FAAH2: variants seen among roughly 807,000 people sequenced by gnomAD.
FAAH2 encodes fatty acid amide hydrolase 2.
A neutral mutation model predicts 36.9 loss-of-function variants in FAAH2; 60 were observed. The observed-to-expected ratio is 1.63, with a 90% CI of 1.32 to 2.02. The LOEUF is 2.02. Ranked by LOEUF, FAAH2 falls within the 30% of genes most tolerant of loss-of-function variation. The probability of loss-of-function intolerance (pLI) is 0.00; values close to 1 mark genes in which losing one functional copy is unlikely to be tolerated. For missense variants in FAAH2, 689 were observed against 397.5 expected, an observed-to-expected ratio of 1.73 and a Z score of -6.23; for synonymous variants, 214 against 143.8, an observed-to-expected ratio of 1.49 and a Z score of -3.49.
chrX:57,394,610 G>T (rs1195898526), intron 7 of FAAH2: 1 of 1,136,919 alleles, frequency 8.8e-7, no homozygotes, highest in Non-Finnish European at 1.2e-6. Flanking sequence ...CATTGCAACC[G>T]TCATGAGCCC....
At chrX:57,208,562 C>A in the FAAH2 span, among the ~76,000 whole-genome samples, 1 of 111,530 alleles carries the variant, frequency 9.0e-6, no homozygotes, top group South Asian at 3.8e-4. Flanking sequence ...CCAGCTCAGT[C>A]GTGGAGACCC....
rs1202166787 is a variant in FAAH2 at position 57,487,037 on chromosome X, T to TTTTC, written c.1424-1720_1424-1719insTTTC. 2.7e-5 allele frequency among the ~76,000 whole-genome samples: 3 copies of TTTTC among 111,701 alleles called. No individual in the cohort carries two copies. In the Admixed American group the frequency reaches 2.9e-4, roughly 11 times the overall value. On this transcript the variant is annotated intron_variant, in intron 10 of 10. Transcript: ENST00000374900. ...TCAAGACAGTTCAATGAAGAATTAATAGTCTTTTCATCAAATGGTTCTAGG... is the reference window on the plus strand; with the variant it reads ...TCAAGACAGTTCAATGAAGAATTAATTTTCAGTCTTTTCATCAAATGGTTCTAGG...
chrX:57,205,643 G>A, the FAAH2 span, among the ~76,000 whole-genome samples: 1 of 112,044 alleles, frequency 8.9e-6, no homozygotes, highest in Non-Finnish European at 1.9e-5. Context: ...TACCTTTTGA[G>A]CCAGAATAAG....
At chrX:57,454,797 T>G (rs991650974) in intron 10 of FAAH2, among the ~76,000 whole-genome samples, 2 of 111,592 alleles carry the variant, frequency 1.8e-5, no homozygotes, top group African/African-American at 6.5e-5. Context: ...TTGAGAAATA[T>G]GGGATTATGT....
chrX:57,477,686 G>T (rs2057298294), intron 10 of FAAH2, among the ~76,000 whole-genome samples: 2 of 95,747 alleles, frequency 2.1e-5, no homozygotes, highest in South Asian at 1.1e-3. Context: ...TTCCCTTCCT[G>T]TGCCCAAGTG....
chrX:57,331,540 A>G, intron 3 of FAAH2, 58 bp from the exon 4 acceptor site: 2 of 1,063,660 alleles, frequency 1.9e-6, no homozygotes, highest in South Asian at 2.1e-5. Context: ...GCCCCTCAGG[A>G]GAAAACAACT....
At chrX:57,209,073 G>A in the FAAH2 span, among the ~76,000 whole-genome samples, 141 of 112,080 alleles carry the variant, frequency 1.3e-3, 3 homozygotes, top group Non-Finnish European at 2.3e-3. Context: ...TCCTTTAAGG[G>A]AAGTTGGCTC....
intron 7 of FAAH2, among the ~76,000 whole-genome samples, chrX:57,420,746 T>C (rs998906879): frequency 1.9e-5 from 2 of 108,083 alleles, no homozygotes; most frequent in Non-Finnish European, 3.8e-5. Context: ...GGCCAGAACT[T>C]CCAACACTAT....
chrX:57,468,042 C>T (rs1427463322), intron 10 of FAAH2, among the ~76,000 whole-genome samples: 4 of 112,059 alleles, frequency 3.6e-5, no homozygotes, highest in Non-Finnish European at 7.5e-5. Context: ...ATGGTCTACG[C>T]TGTTAGAAGG....
rs745644769 is a variant in FAAH2, at chrX:57,378,883, C to A, written c.878+97C>A. On this transcript the variant is annotated intron_variant, in intron 6 of 10. Coordinates refer to ENST00000374900, the MANE Select transcript of FAAH2 (RefSeq NM_174912.4). ...TAGAGGTAGACTTTCAGTCCTCAAGCAAATAATTTTTACAGGTTTTTATGA... is the reference window on the plus strand; with the variant it reads ...TAGAGGTAGACTTTCAGTCCTCAAGAAAATAATTTTTACAGGTTTTTATGA... The A allele has an allele frequency of 6.8e-6, 7 of 1,023,126 alleles. No individual in the cohort carries two copies. In the East Asian group the frequency reaches 2.4e-4, roughly 35 times the overall value. 84.3% of individuals were successfully genotyped at this position (1,023,126 alleles called of 1,213,427 possible).
intron 3 of FAAH2, among the ~76,000 whole-genome samples, chrX:57,315,941 A>G (rs1346418024): frequency 9.0e-6 from 1 of 111,703 alleles, no homozygotes; most frequent in Non-Finnish European, 1.9e-5. Flanking sequence ...AAAGGCATCC[A>G]AATAGGAAAA....
At chrX:57,339,080 A>T (rs2053625871) in intron 4 of FAAH2, among the ~76,000 whole-genome samples, 1 of 111,442 alleles carries the variant, frequency 9.0e-6, no homozygotes, top group African/African-American at 3.3e-5. Flanking sequence ...AGACCAATGG[A>T]GTAGAATAGA....
chrX:57,124,349 T>C, the FAAH2 span, among the ~76,000 whole-genome samples: 1 of 111,738 alleles, frequency 8.9e-6, no homozygotes, highest in East Asian at 2.8e-4. Context: ...CTCTGTTCTG[T>C]TCCATTGGTC....
At chrX:57,483,023 TTC>T (rs2057408328) in intron 10 of FAAH2, among the ~76,000 whole-genome samples, 2 of 110,846 alleles carry the variant, frequency 1.8e-5, no homozygotes, top group African/African-American at 6.6e-5. Flanking sequence ...CTCACAGGTG[TTC>T]TCTGAGTTTC....
the FAAH2 span, among the ~76,000 whole-genome samples, chrX:57,203,599 C>T: frequency 1.8e-5 from 2 of 111,818 alleles, no homozygotes; most frequent in African/African-American, 6.5e-5. Context: ...TCGCAGGAGT[C>T]GGGATCCACA....
At chrX:57,149,147 G>T in the FAAH2 span, among the ~76,000 whole-genome samples, 4 of 111,735 alleles carry the variant, frequency 3.6e-5, no homozygotes, top group Admixed American at 2.9e-4. Context: ...TGTGCTGCTG[G>T]ATTCGTTTTG....
rs902575485 is a variant in FAAH2, at chrX:57,286,754, G to A, written c.-72G>A. ...AGCTTCATAAGTCCCTCTTTGCTTA[G>A]TACTTTTCTCGTCCTTTCCCCAGGG... is the stretch of plus-strand genomic sequence containing the variant. On this transcript the variant is annotated 5_prime_UTR_variant, in exon 1 of 11. Transcript: ENST00000374900. 45 of 976,793 alleles carry A rather than the reference G, an allele frequency of 4.6e-5. No homozygotes were observed. Among genetic ancestry groups the A allele is most frequent in the Non-Finnish European group, 5.8e-5 (44 of 754,545 alleles). 80.5% of individuals were successfully genotyped at this position (976,793 alleles called of 1,213,427 possible).
chrX:57,349,015 C>A (rs1373068635), intron 5 of FAAH2, among the ~76,000 whole-genome samples: 1 of 99,552 alleles, frequency 1.0e-5, no homozygotes, highest in Non-Finnish European at 2.0e-5. Context: ...GTCTGAATAC[C>A]AATACAAAGA....
chrX:57,156,713 C>G, the FAAH2 span, among the ~76,000 whole-genome samples: 1 of 111,851 alleles, frequency 8.9e-6, no homozygotes, highest in Non-Finnish European at 1.9e-5. Flanking sequence ...AGCAAAGTCT[C>G]TTGCTCTGTT....
Sources: gnomAD v4.1 joint callset for allele counts (sites outside exome capture counted in the v4.1 genomes callset) on GRCh38, gnomAD v4.1.1 for gene constraint, MANE v1.5 for transcripts, NCBI Gene and HGNC (gene_info 2026-07-23, HGNC 2026-07-21) for gene names.